Variants in SLC30A5 observed in about 807,000 individuals in gnomAD.
The protein encoded by SLC30A5 is proton-coupled zinc antiporter SLC30A5.
A neutral mutation model predicts 79.6 loss-of-function variants in SLC30A5; 33 were observed. The observed-to-expected ratio is 0.41, with a 90% CI of 0.31 to 0.55. SLC30A5 has a LOEUF of 0.55. Among genes scored for constraint, SLC30A5 ranks in the 20% least tolerant of loss-of-function variants. SLC30A5 has a pLI of 0.20. For missense variants in SLC30A5, 788 were observed against 928.1 expected (o/e 0.85, Z 1.96); for synonymous variants, 299 against 319.7 (o/e 0.94, Z 0.69).
chr5:69,129,469 C>T lies in SLC30A5; in HGVS notation c.2150C>T (p.Ala717Val). Residue 717 changes from alanine (A) to valine (V), a missense_variant, in exon 16 of 16, where the codon GCT (alanine) becomes GTT (valine). Ala to Val is a moderately conservative substitution (Grantham distance 64). This residue lies in a region of SLC30A5 where 158 missense variants were observed against 156.2 expected (regional missense o/e 1.01). Transcript: ENST00000396591. ...VQQVTGILKD[A>V]GVNNLTIQVE... is the part of the protein sequence containing the mutation. ...CAGGTTACAGGAATACTTAAAGATG[C>T]TGGAGTAAACAATTTAACAATTCAA... The T allele has an allele frequency of 6.2e-7, 1 of 1,612,200 alleles. No individual in the cohort carries two copies. The highest frequency in any genetic ancestry group is 8.5e-7 in the Non-Finnish European group (1 of 1,179,388).
At chr5:69,103,514 C>T (rs1047452277) in intron 3 of SLC30A5, among the ~76,000 whole-genome samples, 1 of 152,210 alleles carries the variant, frequency 6.6e-6, no homozygotes, top group African/African-American at 2.4e-5. Flanking sequence ...AAGTCATGTT[C>T]TGTCTGTCCT....
In SLC30A5 at chr5:69,120,876, T is replaced by C. The variant is rs149569399; in HGVS notation, c.1570-818T>C. 1.5e-3 allele frequency among the ~76,000 whole-genome samples: 224 copies of C among 152,360 alleles called. 2 individuals are homozygous for C. Among genetic ancestry groups the C allele is most frequent in the African/African-American group, 5.0e-3 (208 of 41,582 alleles). On this transcript the variant is annotated intron_variant, in intron 12 of 15. Coordinates refer to ENST00000396591, the MANE Select transcript of SLC30A5 (RefSeq NM_022902.5). ...TGTAGATGTAGGCAAATTAACACCCTGAGCTACTACTATTCAAGATCATTT... is the reference window on the plus strand; with the variant it reads ...TGTAGATGTAGGCAAATTAACACCCCGAGCTACTACTATTCAAGATCATTT...
At chr5:69,097,115 T>TC (rs1745762896) in intron 1 of SLC30A5, among the ~76,000 whole-genome samples, 1 of 90,550 alleles carries the variant, frequency 1.1e-5, no homozygotes, top group African/African-American at 3.3e-5. Flanking sequence ...TTTTCTTTTT[T>TC]TTTTTTTTTT....
chr5:69,094,490 G>T, intron 1 of SLC30A5, 152 bp downstream of exon 1: 1 of 834,958 alleles, frequency 1.2e-6, no homozygotes, highest in East Asian at 3.3e-5. Context: ...GCTGCCTCCG[G>T]GCTCCCCGGG....
At chr5:69,099,529 G>T (rs1745848151) in intron 1 of SLC30A5, among the ~76,000 whole-genome samples, 1 of 152,174 alleles carries the variant, frequency 6.6e-6, no homozygotes, top group South Asian at 2.1e-4. Flanking sequence ...TGCCTGCTGG[G>T]TGGGAACCTG....
chr5:69,119,037 G>A (rs1746466059), intron 12 of SLC30A5, among the ~76,000 whole-genome samples: 1 of 152,002 alleles, frequency 6.6e-6, no homozygotes, highest in Non-Finnish European at 1.5e-5. Context: ...CTGACCTCAA[G>A]CAATCCTCCC....
chr5:69,118,064 C>CTACTCGGGAGGCTG (rs1746423121), intron 11 of SLC30A5, among the ~76,000 whole-genome samples: 1 of 149,912 alleles, frequency 6.7e-6, no homozygotes, highest in African/African-American at 2.5e-5. Context: ...GTAGTCCCAG[C>CTACTCGGGAGGCTG]TACTCGGGAG....
At position 69,108,437 on chromosome 5, in the gene SLC30A5, G is replaced by A; in HGVS notation, c.447+1G>A. 6 of 1,607,034 alleles carry A rather than the reference G, an allele frequency of 3.7e-6. No homozygotes were observed. Among genetic ancestry groups the A allele is most frequent in the Non-Finnish European group, 5.1e-6 (6 of 1,173,878 alleles). Reference sequence around the variant, plus strand: ...CAGTTCTGGAGGAGGACCAGCAAAGGTAGAATTTTCCATTATCAGTTACTT... The same window carrying A: ...CAGTTCTGGAGGAGGACCAGCAAAGATAGAATTTTCCATTATCAGTTACTT... On this transcript the variant is annotated splice_donor_variant, in intron 5 of 15. Coordinates refer to ENST00000396591, the MANE Select transcript of SLC30A5 (RefSeq NM_022902.5). LOFTEE classifies it high-confidence loss of function.
chr5:69,120,220 G>C (rs915347373), intron 12 of SLC30A5, among the ~76,000 whole-genome samples: 3 of 151,502 alleles, frequency 2.0e-5, no homozygotes, highest in African/African-American at 4.8e-5. Context: ...AGATGTACTA[G>C]TGAAAAACAA....
chr5:69,094,987 G>A (rs1007355659), intron 1 of SLC30A5, among the ~76,000 whole-genome samples: 3 of 152,114 alleles, frequency 2.0e-5, no homozygotes, highest in Non-Finnish European at 4.4e-5. Flanking sequence ...AACAGGTGCA[G>A]CGACCACTTT....
At position 69,129,962 on chromosome 5, in the gene SLC30A5, A is replaced by G. The variant is rs1561302137; in HGVS notation, c.*345A>G. On this transcript the variant is annotated 3_prime_UTR_variant, in exon 16 of 16. Transcript: ENST00000396591. ...ATCTCCATTGTAAATATGTATTTAC[A>G]TGTTTATTACAAAGACCCAAATGAA... 6.2e-6 allele frequency: 1 copy of G among 160,262 alleles called. No individual in the cohort carries two copies. The highest frequency in any genetic ancestry group is 1.4e-5 in the Non-Finnish European group (1 of 73,592). The allele number at this position is 160,262 out of a possible 1,614,324, so 9.9% of individuals were successfully genotyped here. A position where few individuals can be genotyped will look rare whatever the true frequency, so the allele number is the denominator to read the frequency against.
At chr5:69,127,971 A>C in intron 14 of SLC30A5, 33 bp from the exon 15 acceptor site, 2 of 1,582,776 alleles carry the variant, frequency 1.3e-6, no homozygotes, top group Non-Finnish European at 1.7e-6. Flanking sequence ...AGTAGCCTGT[A>C]TGACCATTTA....
At position 69,129,634 on chromosome 5, in the gene SLC30A5, C is replaced by A; in HGVS notation, c.*17C>A. ...ATCATGTGAGATAACTCAAGAATTA[C>A]CCCTGGAGAATAAACAATGAAGATT... On this transcript the variant is annotated 3_prime_UTR_variant, in exon 16 of 16. Transcript: ENST00000396591. The A allele has an allele frequency of 6.3e-7, 1 of 1,582,930 alleles. No individual in the cohort carries two copies. The highest frequency in any genetic ancestry group is 8.6e-7 in the Non-Finnish European group (1 of 1,164,776).
At chr5:69,102,982 A>G (rs950387281) in intron 2 of SLC30A5, 80 bp from the exon 3 acceptor site, 2 of 661,364 alleles carry the variant, frequency 3.0e-6, no homozygotes, top group Non-Finnish European at 5.1e-6. Flanking sequence ...TATTTGTTTA[A>G]AATAAGTGTC....
chr5:69,110,252 A>G (rs1338649732), intron 5 of SLC30A5, among the ~76,000 whole-genome samples: 1 of 152,082 alleles, frequency 6.6e-6, no homozygotes, highest in Non-Finnish European at 1.5e-5. Flanking sequence ...TATTCCTATA[A>G]TTTCTCCCAC....
At position 69,116,681 on chromosome 5, in the gene SLC30A5, C is replaced by T. The variant is rs1746382305; in HGVS notation, c.1281+79C>T. 1.1e-6 allele frequency: 1 copy of T among 947,302 alleles called. No homozygotes were observed. Among genetic ancestry groups the T allele is most frequent in the Admixed American group, 3.4e-5 (1 of 29,298 alleles). The allele number at this position is 947,302 out of a possible 1,614,324, so 58.7% of individuals were successfully genotyped here. A position where few individuals can be genotyped will look rare whatever the true frequency, so the allele number is the denominator to read the frequency against. On this transcript the variant is annotated intron_variant, in intron 10 of 15. Transcript: ENST00000396591. This position sits in a 1 kb window ranked among gnomAD's most constrained non-coding sequence, Gnocchi z 4.0. ...TGACAGTTCTGGTATAAGTTTAGTACTTCCCAAATTTCTGATAATAAGATG... is the reference window on the plus strand; with the variant it reads ...TGACAGTTCTGGTATAAGTTTAGTATTTCCCAAATTTCTGATAATAAGATG...
chr5:69,094,089 TA>T lies in SLC30A5; in HGVS notation c.-166del. On this transcript the variant is annotated 5_prime_UTR_variant, in exon 1 of 16. Coordinates refer to ENST00000396591, the MANE Select transcript of SLC30A5 (RefSeq NM_022902.5). ...CGGCCTAGTCCCGACGCGTGTGTGC[TA>T]GTGAGCCGGAGCCGGCGACGGCGGC... 2.5e-6 allele frequency: 1 copy of T among 406,610 alleles called. No individual in the cohort carries two copies. The highest frequency in any genetic ancestry group is 4.4e-6 in the Non-Finnish European group (1 of 228,284). 25.2% of individuals were successfully genotyped at this position (406,610 alleles called of 1,614,324 possible).
intron 2 of SLC30A5, among the ~76,000 whole-genome samples, chr5:69,101,256 TTATTC>T (rs1337173821): frequency 2.0e-5 from 3 of 152,084 alleles, no homozygotes; most frequent in Non-Finnish European, 4.4e-5. Context: ...GAACATTAAT[TTATTC>T]TACTTATACG....
intron 14 of SLC30A5, 101 bp downstream of exon 14, chr5:69,123,526 A>C: frequency 1.2e-6 from 1 of 858,508 alleles, no homozygotes; most frequent in Non-Finnish European, 1.8e-6. Context: ...ATAAAACAAA[A>C]CGAGGCCAAA....
Sources: gnomAD v4.1 joint callset for allele counts (sites outside exome capture counted in the v4.1 genomes callset) on GRCh38, gnomAD v4.1.1 for gene constraint, gnomAD v4.1.1 regional missense constraint, Gnocchi (gnomAD v3.1) non-coding constraint, MANE v1.5 for transcripts, NCBI Gene and HGNC (gene_info 2026-07-23, HGNC 2026-07-21) for gene names.